Variants in CDK8 observed in about 807,000 individuals in gnomAD.
CDK8 encodes cyclin dependent kinase 8.
In CDK8, 29 loss-of-function variants were observed where a neutral mutation model predicts 71.5. The ratio of observed to expected loss-of-function variants is 0.41; its 90% CI spans 0.30 to 0.55. CDK8 has a LOEUF of 0.55. Among genes scored for constraint, CDK8 ranks in the 20% least tolerant of loss-of-function variants. CDK8 has a pLI of 0.37. For missense variants in CDK8, 288 were observed against 572.6 expected (o/e 0.50, Z 5.07); for synonymous variants, 161 against 192.1 (o/e 0.84, Z 1.34).
intron 7 of CDK8, among the ~76,000 whole-genome samples, chr13:26,395,482 C>T (rs1253739430): frequency 2.1e-5 from 3 of 143,810 alleles, no homozygotes; most frequent in African/African-American, 5.4e-5. Flanking sequence ...AGCGAAACTC[C>T]GTCTCAAAAA....
chr13:26,299,082 C>A (rs1873695825), intron 1 of CDK8, among the ~76,000 whole-genome samples: 1 of 152,158 alleles, frequency 6.6e-6, no homozygotes, highest in African/African-American at 2.4e-5. Context: ...GTAAAGGGTG[C>A]TTCTTGTCTG....
At chr13:26,310,808 T>A (rs1874251130) in intron 1 of CDK8, among the ~76,000 whole-genome samples, 1 of 152,198 alleles carries the variant, frequency 6.6e-6, no homozygotes, top group Admixed American at 6.5e-5. Flanking sequence ...AGTTTCAATT[T>A]TTTCTTCACA....
At chr13:26,369,319 G>A (rs569702079) in intron 4 of CDK8, among the ~76,000 whole-genome samples, 14 of 150,984 alleles carry the variant, frequency 9.3e-5, no homozygotes, top group Non-Finnish European at 2.1e-4. Context: ...GTGTGGTGAT[G>A]CATGCCTGTG....
chr13:26,266,658 A>AC (rs1259779423), intron 1 of CDK8, among the ~76,000 whole-genome samples: 1 of 152,202 alleles, frequency 6.6e-6, no homozygotes, highest in African/African-American at 2.4e-5. Context: ...ATTTTTGGAT[A>AC]CCAAAGCTTA....
chr13:26,354,356 ATAT>A (rs1431264723), intron 4 of CDK8, among the ~76,000 whole-genome samples: 1 of 152,236 alleles, frequency 6.6e-6, no homozygotes, highest in Non-Finnish European at 1.5e-5. Flanking sequence ...TAATTGAAGT[ATAT>A]TATTAGAAGC....
chr13:26,286,664 A>G lies in CDK8; in HGVS notation c.128+31895A>G, dbSNP rs7320584. 6.7e-3 allele frequency among the ~76,000 whole-genome samples: 1,021 copies of G among 152,298 alleles called. 16 individuals are homozygous for G. Among genetic ancestry groups the G allele is most frequent in the African/African-American group, 0.023 (939 of 41,570 alleles). ...CAGCAAAAACGAAGATAAGTAGATT[A>G]TTAAACGAAAAAGCTTCTGCACAGT... On this transcript the variant is annotated intron_variant, in intron 1 of 12. Transcript: ENST00000381527.
At chr13:26,394,933 G>A (rs1046303269) in intron 7 of CDK8, among the ~76,000 whole-genome samples, 1 of 152,140 alleles carries the variant, frequency 6.6e-6, no homozygotes, top group Admixed American at 6.5e-5. Context: ...GTAGAGTGAA[G>A]ATAAGGATGG....
chr13:26,277,780 A>C (rs77564644), intron 1 of CDK8, among the ~76,000 whole-genome samples: 1,532 of 152,296 alleles, frequency 0.01, 19 homozygotes, highest in Non-Finnish European at 0.015. Flanking sequence ...TAATTCTCTA[A>C]AAGTTTAGGT....
intron 1 of CDK8, among the ~76,000 whole-genome samples, chr13:26,279,968 TGTG>T (rs937726121): frequency 1.0e-4 from 13 of 127,270 alleles, no homozygotes; most frequent in African/African-American, 2.6e-4. Context: ...AGAAGAAAAT[TGTG>T]TGTGTGTGTG....
intron 1 of CDK8, among the ~76,000 whole-genome samples, chr13:26,281,564 C>T (rs1037616867): frequency 2.9e-5 from 3 of 103,136 alleles, no homozygotes; most frequent in Admixed American, 2.6e-4. Context: ...GGTAATATGA[C>T]AAGGTAATAA....
chr13:26,254,595 G>GCC lies in CDK8; in HGVS notation c.-42_-41dup. On this transcript the variant is annotated 5_prime_UTR_variant, in exon 1 of 13. Transcript: ENST00000381527. This position sits in a 1 kb window ranked among gnomAD's most constrained non-coding sequence, Gnocchi z 6.7. ...CCGTGCTTCCCCGGTCCCCACCCCT[G>GCC]CCCCCCGGCCCCCCGACCCAGCTCT... is the stretch of plus-strand genomic sequence containing the variant. The GCC allele has an allele frequency of 8.4e-7, 1 of 1,194,432 alleles. No homozygotes were observed. The highest frequency in any genetic ancestry group is 1.2e-6 in the Non-Finnish European group (1 of 847,012). 74.0% of individuals were successfully genotyped at this position (1,194,432 alleles called of 1,614,324 possible). A position where few individuals can be genotyped will look rare whatever the true frequency, so the allele number is the denominator to read the frequency against.
chr13:26,389,246 T>A (rs1217982752), intron 6 of CDK8, among the ~76,000 whole-genome samples: 1 of 152,142 alleles, frequency 6.6e-6, no homozygotes, highest in Non-Finnish European at 1.5e-5. Context: ...CACTGCAACC[T>A]CCGCTTCCCA....
chr13:26,300,984 A>T (rs1416982413), intron 1 of CDK8, among the ~76,000 whole-genome samples: 5 of 152,116 alleles, frequency 3.3e-5, no homozygotes, highest in Admixed American at 1.3e-4. Flanking sequence ...TATCCTTTCC[A>T]TTGTGGTGAT....
intron 4 of CDK8, 98 bp downstream of exon 4, chr13:26,353,978 A>G: frequency 2.0e-6 from 2 of 1,010,018 alleles, no homozygotes; most frequent in South Asian, 2.8e-5. Flanking sequence ...TAGGCCTGCA[A>G]ACCTTATAGA....
At chr13:26,330,575 A>C (rs894305026) in intron 1 of CDK8, among the ~76,000 whole-genome samples, 3 of 151,412 alleles carry the variant, frequency 2.0e-5, no homozygotes, top group Non-Finnish European at 2.9e-5. Context: ...TTTGCCTCCC[A>C]CTTAACCTTC....
At chr13:26,296,487 G>A in intron 1 of CDK8, among the ~76,000 whole-genome samples, 1 of 152,126 alleles carries the variant, frequency 6.6e-6, no homozygotes, top group Non-Finnish European at 1.5e-5. Context: ...AAGTGGTTGG[G>A]GAATCAGATT....
At chr13:26,351,129 AC>A (rs1354354876) in intron 3 of CDK8, among the ~76,000 whole-genome samples, 1 of 152,158 alleles carries the variant, frequency 6.6e-6, no homozygotes. Context: ...AGTAAACTAA[AC>A]ATCTAACATT....
At chr13:26,302,080 C>G (rs966165654) in intron 1 of CDK8, among the ~76,000 whole-genome samples, 1 of 152,144 alleles carries the variant, frequency 6.6e-6, no homozygotes, top group Admixed American at 6.6e-5. Context: ...CTGGCCAACA[C>G]AGCAAGCAAG....
intron 1 of CDK8, among the ~76,000 whole-genome samples, chr13:26,275,717 G>GT (rs1872535997): frequency 6.6e-6 from 1 of 152,058 alleles, no homozygotes; most frequent in Non-Finnish European, 1.5e-5. Context: ...TCAAATAGTC[G>GT]TAAACTTTCT....
Sources: gnomAD v4.1 joint callset for allele counts (sites outside exome capture counted in the v4.1 genomes callset) on GRCh38, gnomAD v4.1.1 for gene constraint, Gnocchi (gnomAD v3.1) non-coding constraint, MANE v1.5 for transcripts, NCBI Gene and HGNC (gene_info 2026-07-23, HGNC 2026-07-21) for gene names.